GBE1: variants seen among roughly 807,000 people sequenced by gnomAD.
GBE1 encodes the protein 1,4-alpha-glucan-branching enzyme.
In GBE1, 70 loss-of-function variants were observed where a neutral mutation model predicts 88.8. The observed-to-expected ratio is 0.79, with a 90% confidence interval of 0.65 to 0.96. The LOEUF (loss-of-function observed/expected upper bound fraction) is 0.96, where lower values mean the gene tolerates loss of function less well. Ranked by LOEUF, GBE1 falls within the 40% of genes least tolerant of loss-of-function variation. The pLI, the probability that GBE1 is intolerant of heterozygous loss-of-function variation, is 0.00. For synonymous variants in GBE1, 284 were observed against 300.1 expected, an observed-to-expected ratio of 0.95 and a Z score of 0.56; for missense variants, 872 against 871.0, an observed-to-expected ratio of 1.00 and a Z score of -0.01.
intron 7 of GBE1, among the ~76,000 whole-genome samples, chr3:81,631,532 C>A (rs866610690): frequency 6.6e-6 from 1 of 151,216 alleles, no homozygotes; most frequent in East Asian, 1.9e-4. Context: ...GTCAGGAGAT[C>A]GAAAACATCC....
intron 9 of GBE1, among the ~76,000 whole-genome samples, chr3:81,589,348 T>A (rs1703844075): frequency 6.6e-6 from 1 of 151,664 alleles, no homozygotes; most frequent in African/African-American, 2.4e-5. Context: ...TTAAATAAAA[T>A]TACATTGCTT....
At position 81,642,982 on chromosome 3, in the gene GBE1, C is replaced by T. The variant is rs754525424; in HGVS notation, c.791G>A (p.Gly264Glu). The change falls in exon 7 of 16, where the codon GGA becomes GAA. Residue 264 changes from glycine (G) to glutamate (E), a missense_variant. Coordinates refer to ENST00000429644, the MANE Select transcript of GBE1 (RefSeq NM_000158.4). ...CAGTTCTTGTAGCTCTTCAGGTGTT[C>T]CATAACGGCTAACAATGAAGAACAC... ...TSFFAASSRY[G>E]TPEELQELVD... 1 of 1,605,608 alleles carries T rather than the reference C, an allele frequency of 6.2e-7. No homozygotes were observed. Among genetic ancestry groups the T allele is most frequent in the East Asian group, 2.2e-5 (1 of 44,610 alleles).
chr3:81,577,846 C>A, intron 12 of GBE1, 79 bp downstream of exon 12: 3 of 1,192,522 alleles, frequency 2.5e-6, no homozygotes, highest in South Asian at 3.2e-5. Flanking sequence ...AAAGCCAAAT[C>A]AAAATATTCT....
intron 2 of GBE1, among the ~76,000 whole-genome samples, chr3:81,674,168 C>T (rs1293726618): frequency 1.3e-5 from 2 of 151,824 alleles, no homozygotes; most frequent in East Asian, 1.9e-4. Context: ...TTTCTCATTC[C>T]TTTATTAGTG....
At chr3:81,644,324 C>T (rs923730245) in intron 6 of GBE1, among the ~76,000 whole-genome samples, 8 of 152,046 alleles carry the variant, frequency 5.3e-5, no homozygotes, top group African/African-American at 1.9e-4. Flanking sequence ...ATAGGGTCAT[C>T]AGTTAAAGTT....
chr3:81,713,877 T>G (rs930348554), intron 1 of GBE1, among the ~76,000 whole-genome samples: 3 of 152,126 alleles, frequency 2.0e-5, no homozygotes, highest in Non-Finnish European at 4.4e-5. Flanking sequence ...TCCATCTATT[T>G]ATTATACAAG....
chr3:81,566,247 G>C (rs1403250528), intron 12 of GBE1, among the ~76,000 whole-genome samples: 1 of 152,058 alleles, frequency 6.6e-6, no homozygotes, highest in Admixed American at 6.6e-5. Context: ...AATCACCTGG[G>C]AATCATTTTA....
At chr3:81,506,838 T>C (rs1176277340) in intron 14 of GBE1, among the ~76,000 whole-genome samples, 3 of 152,162 alleles carry the variant, frequency 2.0e-5, no homozygotes, top group Non-Finnish European at 4.4e-5. Context: ...AAATACTGCA[T>C]GTTCTCACTT....
At chr3:81,582,486 T>C (rs1159877311) in intron 10 of GBE1, among the ~76,000 whole-genome samples, 4 of 152,128 alleles carry the variant, frequency 2.6e-5, no homozygotes, top group African/African-American at 9.7e-5. Context: ...CATTTCATTT[T>C]TGTAACACAT....
At chr3:81,745,059 T>G (rs1334431123) in intron 1 of GBE1, among the ~76,000 whole-genome samples, 2 of 152,160 alleles carry the variant, frequency 1.3e-5, no homozygotes, top group East Asian at 3.9e-4. Context: ...CTAACTGAGC[T>G]CCTGTCAGGT....
At position 81,679,851 on chromosome 3, in the gene GBE1, C is replaced by A. The variant is rs146367247; in HGVS notation, c.314-8898G>T. The stretch of plus-strand genomic sequence containing the variant: ...ATCAAACTATTTACTTATTTACCAA[C>A]CTATTTACTTGCAGGAGTAGAAACC... On this transcript the variant is annotated intron_variant, in intron 2 of 15. Coordinates refer to ENST00000429644, the MANE Select transcript of GBE1 (RefSeq NM_000158.4). 4.1e-3 allele frequency among the ~76,000 whole-genome samples: 623 copies of A among 152,270 alleles called. 9 individuals are homozygous for A. Among genetic ancestry groups the A allele is most frequent in the Middle Eastern group, 0.014 (4 of 294 alleles).
chr3:81,612,464 A>G (rs546499489), intron 7 of GBE1: 8 of 1,009,674 alleles, frequency 7.9e-6, no homozygotes, highest in Admixed American at 1.8e-5. Flanking sequence ...ACCTGATTTA[A>G]TATCTTCAAA....
rs1428851371 is a variant in GBE1 at position 81,631,561 on chromosome 3, C to A, written c.992+11220G>T. ...AACATCCTGGCCAACATGGTGAAAC[C>A]CCGTCTCTACTAAAATACAAAAAAA... is the stretch of plus-strand genomic sequence containing the variant. On this transcript the variant is annotated intron_variant, in intron 7 of 15. Coordinates refer to ENST00000429644, the MANE Select transcript of GBE1 (RefSeq NM_000158.4). Among the ~76,000 whole-genome samples the A allele has an allele frequency of 4.6e-5, 7 of 151,400 alleles. No homozygotes were observed. The East Asian group carries it at 1.4e-3, about 29-fold the overall frequency.
chr3:81,752,585 T>C (rs1706545028), intron 1 of GBE1, among the ~76,000 whole-genome samples: 1 of 152,202 alleles, frequency 6.6e-6, no homozygotes, highest in African/African-American at 2.4e-5. Context: ...GCTCATTATA[T>C]CCCAGGACTC....
At chr3:81,530,566 C>T (rs1313183191) in intron 14 of GBE1, among the ~76,000 whole-genome samples, 1 of 152,000 alleles carries the variant, frequency 6.6e-6, no homozygotes, top group African/African-American at 2.4e-5. Context: ...CTCTTGTTGA[C>T]TCATAGAGGT....
chr3:81,693,244 T>C (rs1403002042), intron 2 of GBE1, among the ~76,000 whole-genome samples: 2 of 152,098 alleles, frequency 1.3e-5, no homozygotes, highest in Non-Finnish European at 2.9e-5. Context: ...AAAAAAAATA[T>C]GCAATCAAAC....
intron 7 of GBE1, among the ~76,000 whole-genome samples, chr3:81,597,999 T>C (rs912870590): frequency 1.9e-4 from 29 of 152,056 alleles, no homozygotes; most frequent in African/African-American, 6.0e-4. Context: ...ATCTTTATAA[T>C]GAAACATAGA....
chr3:81,617,361 A>G (rs1288589180), intron 7 of GBE1, among the ~76,000 whole-genome samples: 2 of 151,946 alleles, frequency 1.3e-5, no homozygotes, highest in African/African-American at 4.8e-5. Context: ...ATATTGTCAC[A>G]TTTCAGTTTT....
At chr3:81,667,188 T>G (rs1705123758) in intron 3 of GBE1, among the ~76,000 whole-genome samples, 1 of 152,210 alleles carries the variant, frequency 6.6e-6, no homozygotes, top group Non-Finnish European at 1.5e-5. Context: ...TTTCTAGGTA[T>G]TTTATTCTCT....
Sources: allele counts gnomAD v4.1 joint callset (sites outside exome capture counted in the v4.1 genomes callset), GRCh38; gene constraint gnomAD v4.1.1; transcripts MANE v1.5; gene names NCBI Gene and HGNC (gene_info 2026-07-23, HGNC 2026-07-21).